SMARCA5: variants seen among roughly 807,000 people sequenced by gnomAD.
The protein encoded by SMARCA5 is SNF2 related chromatin remodeling ATPase 5, also known as SWI/SNF-related matrix-associated actin-dependent regulator of chromatin subfamily A member 5.
Under a neutral mutation model 140.4 loss-of-function variants are expected in SMARCA5, and 18 were observed. That is an observed-to-expected ratio of 0.13 (90% CI 0.09 to 0.19). The LOEUF (loss-of-function observed/expected upper bound fraction) is 0.19. Among genes scored for constraint, SMARCA5 ranks in the 10% least tolerant of loss-of-function variants. The pLI, the probability that SMARCA5 is intolerant of heterozygous loss-of-function variation, is 1.00. For synonymous variants in SMARCA5, 449 were observed against 419.6 expected (o/e 1.07, Z -0.86); for missense variants, 606 against 1,276.8 (o/e 0.47, Z 8.01).
At chr4:143,542,354 A>G (rs1430171750) in intron 14 of SMARCA5, among the ~76,000 whole-genome samples, 1 of 152,144 alleles carries the variant, frequency 6.6e-6, no homozygotes, top group East Asian at 1.9e-4. Flanking sequence ...ACTGTTTTTT[A>G]TTTGAGGGAC....
chr4:143,521,396 T>G lies in SMARCA5; in HGVS notation c.253-33T>G, dbSNP rs188744899. The G allele has an allele frequency of 2.6e-6, 4 of 1,519,328 alleles. No homozygotes were observed. In the African/African-American group the frequency reaches 5.6e-5, roughly 21 times the overall value. 94.1% of individuals were successfully genotyped at this position (1,519,328 alleles called of 1,614,324 possible). ...ATTTCTGAAGTTTTAATTGATACTC[T>G]GATAAAATGTATCTTAAATTTTTTT... On this transcript the variant is annotated intron_variant, in intron 2 of 23. Coordinates refer to ENST00000283131, the MANE Select transcript of SMARCA5 (RefSeq NM_003601.4).
chr4:143,514,442 T>G, intron 1 of SMARCA5: 7 of 229,030 alleles, frequency 3.1e-5, no homozygotes, highest in Non-Finnish European at 5.2e-5. Flanking sequence ...TTCCCTCTCC[T>G]ACCTCTGAAT....
chr4:143,549,058 A>G (rs1396005380), intron 22 of SMARCA5, among the ~76,000 whole-genome samples: 2 of 152,056 alleles, frequency 1.3e-5, no homozygotes, highest in African/African-American at 4.8e-5. Flanking sequence ...CTGAAAGCTT[A>G]TTTCTTCTTA....
intron 3 of SMARCA5, among the ~76,000 whole-genome samples, chr4:143,523,617 C>A (rs1737008831): frequency 1.3e-5 from 2 of 152,038 alleles, no homozygotes; most frequent in African/African-American, 4.8e-5. Context: ...AACAAGAAGG[C>A]CCTTGAATTT....
intron 5 of SMARCA5, 61 bp downstream of exon 5, chr4:143,525,612 A>T (rs1280746882): frequency 6.0e-6 from 7 of 1,162,082 alleles, no homozygotes; most frequent in Non-Finnish European, 9.1e-6. Context: ...TTATACGTTG[A>T]TAAAAGTTTC....
chr4:143,527,927 T>C lies in SMARCA5; in HGVS notation c.861T>C (p.Tyr287=), dbSNP rs750323115. 4.4e-5 allele frequency: 71 copies of C among 1,604,338 alleles called. No individual in the cohort carries two copies. Among genetic ancestry groups the C allele is most frequent in the Non-Finnish European group, 5.7e-5 (67 of 1,177,292 alleles). The change falls in exon 7 of 24, where the codon TAT becomes TAC. Residue 287 remains tyrosine, a synonymous_variant. Coordinates refer to ENST00000283131, the MANE Select transcript of SMARCA5 (RefSeq NM_003601.4). The stretch of plus-strand genomic sequence containing the variant: ...AATGGGATGTATGTGTAACATCTTA[T>C]GAAATGCTTATTAAAGAGAAGTCTG... ...PGEWDVCVTS[Y]EMLIKEKSVF...
chr4:143,521,013 C>T lies in SMARCA5; in HGVS notation c.253-416C>T, dbSNP rs371359565. 1.8e-3 allele frequency among the ~76,000 whole-genome samples: 281 copies of T among 152,108 alleles called. 1 individual carries two copies. The highest frequency in any genetic ancestry group is 6.3e-3 in the African/African-American group (260 of 41,492). On this transcript the variant is annotated intron_variant, in intron 2 of 23. Transcript: ENST00000283131. ...GTGTTTAATATTTTAAAAATTGTTC[C>T]GATCAACTGTATTGAAGTATAATTG... is the stretch of plus-strand genomic sequence containing the variant.
Position 143,540,592 on chromosome 4 carries a change from T to C in SMARCA5, c.1903+97T>C, listed in dbSNP as rs1367724460. On this transcript the variant is annotated intron_variant, in intron 14 of 23. Transcript: ENST00000283131. ...GAAGATTCTTGTTACTAAGCATCCA[T>C]TGAGTCAAGCTTGCAGCCAGTAGAG... is the stretch of plus-strand genomic sequence containing the variant. The C allele has an allele frequency of 3.5e-6, 4 of 1,148,726 alleles. No homozygotes were observed. The African/African-American group carries it at 4.7e-5, about 13-fold the overall frequency. 71.2% of individuals were successfully genotyped at this position (1,148,726 alleles called of 1,614,324 possible).
At chr4:143,539,190 T>C (rs1737377291) in intron 13 of SMARCA5, among the ~76,000 whole-genome samples, 1 of 152,094 alleles carries the variant, frequency 6.6e-6, no homozygotes, top group Non-Finnish European at 1.5e-5. Context: ...AACGATAGAG[T>C]TGGGGATTTC....
In SMARCA5 at chr4:143,530,002, C is replaced by T. The variant is rs372156095; in HGVS notation, c.1090-456C>T. On this transcript the variant is annotated intron_variant, in intron 8 of 23. Transcript: ENST00000283131. ...TTAGGGAAACTGCCCTTGTTGAAATCGTAACCAAATATTAATGAAATGCTG... is the reference window on the plus strand; with the variant it reads ...TTAGGGAAACTGCCCTTGTTGAAATTGTAACCAAATATTAATGAAATGCTG... Among the ~76,000 whole-genome samples, 6 of 152,200 alleles carry T rather than the reference C, an allele frequency of 3.9e-5. No individual in the cohort carries two copies. In the South Asian group the frequency reaches 1.0e-3, roughly 26 times the overall value.
chr4:143,517,364 G>A lies in SMARCA5; in HGVS notation c.187G>A (p.Asp63Asn). 1.2e-6 allele frequency: 2 copies of A among 1,604,754 alleles called. No homozygotes were observed. The highest frequency in any genetic ancestry group is 1.7e-6 in the Non-Finnish European group (2 of 1,175,432). ...TATTTCTTTCTACCAGGAAATATTT[G>A]ATGATGCGTCACCTGGAAAGCAAAA... The part of the protein sequence containing the change: ...PADAEMEEIF[D>N]DASPGKQKEI... The change falls in exon 2 of 24, where the codon GAT becomes AAT. Residue 63 changes from aspartate (D) to asparagine (N), a missense_variant. Coordinates refer to ENST00000283131, the MANE Select transcript of SMARCA5 (RefSeq NM_003601.4).
chr4:143,548,515 C>A (rs1018871263), intron 22 of SMARCA5, among the ~76,000 whole-genome samples: 3 of 152,006 alleles, frequency 2.0e-5, no homozygotes, highest in Admixed American at 1.3e-4. Flanking sequence ...TATAAATCAT[C>A]CAGAGTCTGG....
At chr4:143,542,616 C>G (rs771301318) in intron 14 of SMARCA5, among the ~76,000 whole-genome samples, 7 of 152,148 alleles carry the variant, frequency 4.6e-5, no homozygotes, top group African/African-American at 1.7e-4. Context: ...TCTTTTTCCA[C>G]TTACTTACAA....
At chr4:143,537,581 G>A (rs536715304) in intron 11 of SMARCA5, among the ~76,000 whole-genome samples, 34 of 152,234 alleles carry the variant, frequency 2.2e-4, no homozygotes, top group Admixed American at 1.2e-3. Flanking sequence ...TGGCAGGAAC[G>A]TGGTGGGAAT....
chr4:143,522,729 A>C (rs72938225), intron 3 of SMARCA5, among the ~76,000 whole-genome samples: 1 of 152,318 alleles, frequency 6.6e-6, no homozygotes, highest in African/African-American at 2.4e-5. Flanking sequence ...ACTGGAAACT[A>C]CTGTACTGAA....
chr4:143,542,419 C>G (rs1238467892), intron 14 of SMARCA5, among the ~76,000 whole-genome samples: 1 of 152,174 alleles, frequency 6.6e-6, no homozygotes, highest in Non-Finnish European at 1.5e-5. Flanking sequence ...CCGGAACCTT[C>G]CTGCCCAACT....
rs1163902970 is a variant in SMARCA5 at position 143,514,048 on chromosome 4, G to C, written c.124G>C (p.Ala42Pro). Residue 42 changes from alanine (A) to proline (P), a missense_variant, in exon 1 of 24, where the codon GCG (alanine) becomes CCG (proline). Coordinates refer to ENST00000283131, the MANE Select transcript of SMARCA5 (RefSeq NM_003601.4). ...SNKGGPEGVAAQAVASAASAG... is the reference protein window; with the variant it reads ...SNKGGPEGVAPQAVASAASAG... The stretch of plus-strand genomic sequence containing the variant: ...CAAAGGCGGCCCCGAAGGCGTCGCG[G>C]CGCAGGCGGTTGCGTCTGCGGCCAG... The C allele has an allele frequency of 1.3e-6, 2 of 1,560,130 alleles. No individual in the cohort carries two copies. The highest frequency in any genetic ancestry group is 1.7e-6 in the Non-Finnish European group (2 of 1,161,380).
At chr4:143,525,574 G>C (rs750583611) in intron 5 of SMARCA5, 23 bp downstream of exon 5, 2 of 1,448,188 alleles carry the variant, frequency 1.4e-6, no homozygotes, top group Non-Finnish European at 1.9e-6. Flanking sequence ...AGTTTTTTTT[G>C]AAGGGTATGT....
intron 2 of SMARCA5, among the ~76,000 whole-genome samples, chr4:143,520,441 A>G (rs1382009906): frequency 3.9e-5 from 6 of 152,326 alleles, no homozygotes; most frequent in African/African-American, 1.2e-4. Flanking sequence ...TTGTGACCCA[A>G]TGAAACACTA....
Sources: gnomAD v4.1 joint callset for allele counts (sites outside exome capture counted in the v4.1 genomes callset) on GRCh38, gnomAD v4.1.1 for gene constraint, MANE v1.5 for transcripts, NCBI Gene and HGNC (gene_info 2026-07-23, HGNC 2026-07-21) for gene names.